SNX29: variants seen among roughly 807,000 people sequenced by gnomAD.
SNX29 encodes sorting nexin 29, also known as sorting nexin-29.
SNX29 carries 78 observed loss-of-function variants against 102.1 expected under a neutral mutation model. The observed-to-expected ratio is 0.76, with a 90% confidence interval of 0.64 to 0.92. The LOEUF is 0.92. SNX29 is among the 40% of genes least tolerant of loss of function. SNX29 has a pLI of 0.00. For missense variants in SNX29, 1,280 were observed against 1,061.7 expected (o/e 1.21, Z -2.86); for synonymous variants, 580 against 414.5 (o/e 1.40, Z -4.85).
At chr16:12,234,619 C>T (rs1184449334) in intron 14 of SNX29, among the ~76,000 whole-genome samples, 1 of 152,036 alleles carries the variant, frequency 6.6e-6, no homozygotes, top group Non-Finnish European at 1.5e-5. Context: ...GGCATCATAT[C>T]TAAGTTTGTC....
intron 20 of SNX29, among the ~76,000 whole-genome samples, chr16:12,549,956 T>C (rs576109794): frequency 6.6e-6 from 1 of 152,228 alleles, no homozygotes; most frequent in South Asian, 2.1e-4. Context: ...TAAAGTTTTA[T>C]TGGAACATGC....
At chr16:12,419,992 C>T (rs951122756) in intron 18 of SNX29, among the ~76,000 whole-genome samples, 1 of 152,180 alleles carries the variant, frequency 6.6e-6, no homozygotes, top group African/African-American at 2.4e-5. Flanking sequence ...GGCTTAGGGC[C>T]AGTTTGGTGA....
intron 20 of SNX29, among the ~76,000 whole-genome samples, chr16:12,534,944 C>T (rs973596937): frequency 3.3e-5 from 5 of 152,324 alleles, no homozygotes; most frequent in East Asian, 3.9e-4. Flanking sequence ...ATGGCCTCCT[C>T]CCTGCACAGC....
At chr16:12,372,893 C>T (rs1473086316) in intron 16 of SNX29, 6 of 152,192 alleles carry the variant, frequency 3.9e-5, no homozygotes, top group Non-Finnish European at 8.8e-5. Flanking sequence ...GTCATTTACA[C>T]TCCTACCTGC....
chr16:12,489,179 T>C (rs1161527582), intron 19 of SNX29, among the ~76,000 whole-genome samples: 1 of 152,058 alleles, frequency 6.6e-6, no homozygotes, highest in African/African-American at 2.4e-5. Flanking sequence ...TTGCTACCTT[T>C]CCCTTCAGTA....
chr16:12,554,484 G>A (rs1384060409), intron 20 of SNX29, among the ~76,000 whole-genome samples: 2 of 152,182 alleles, frequency 1.3e-5, no homozygotes, highest in Admixed American at 6.5e-5. Flanking sequence ...TAGGCATGGA[G>A]TGGTTTCCAA....
intron 18 of SNX29, among the ~76,000 whole-genome samples, chr16:12,454,548 G>A (rs1335663602): frequency 1.3e-5 from 2 of 152,132 alleles, no homozygotes; most frequent in African/African-American, 4.8e-5. Context: ...AGGTGCTGCT[G>A]GCGAATGTGG....
chr16:12,380,509 C>A (rs1180552028), intron 16 of SNX29, among the ~76,000 whole-genome samples: 1 of 128,768 alleles, frequency 7.8e-6, no homozygotes, highest in African/African-American at 2.9e-5. Context: ...TATCCACCTA[C>A]CCACCCCTCA....
At chr16:12,412,784 T>C (rs2084456264) in intron 18 of SNX29, among the ~76,000 whole-genome samples, 1 of 152,248 alleles carries the variant, frequency 6.6e-6, no homozygotes, top group Non-Finnish European at 1.5e-5. Context: ...CACACCCTCT[T>C]GGCAGGTGAA....
At chr16:12,112,561 C>T (rs1361938120) in intron 11 of SNX29, among the ~76,000 whole-genome samples, 5 of 152,170 alleles carry the variant, frequency 3.3e-5, no homozygotes, top group Non-Finnish European at 5.9e-5. Context: ...CGCCATTTAG[C>T]TGGGGAGGCT....
intron 9 of SNX29, among the ~76,000 whole-genome samples, chr16:12,064,616 A>G (rs977769785): frequency 3.9e-5 from 6 of 152,092 alleles, no homozygotes; most frequent in African/African-American, 1.4e-4. Context: ...AGGGAGAAAC[A>G]TTATTCCAGG....
At chr16:12,538,465 C>T (rs1038581793) in intron 20 of SNX29, among the ~76,000 whole-genome samples, 1 of 152,138 alleles carries the variant, frequency 6.6e-6, no homozygotes, top group Non-Finnish European at 1.5e-5. Flanking sequence ...CACGTATCTC[C>T]TATGTTGATG....
At chr16:12,527,494 G>A (rs1163731732) in intron 20 of SNX29, 2 of 427,100 alleles carry the variant, frequency 4.7e-6, no homozygotes, top group African/African-American at 2.0e-5. Flanking sequence ...TTGAGTTACT[G>A]AACGTAACCG....
chr16:12,160,265 G>A (rs766148566), intron 13 of SNX29, among the ~76,000 whole-genome samples: 14 of 152,200 alleles, frequency 9.2e-5, no homozygotes, highest in Non-Finnish European at 1.8e-4. Context: ...AGGGGCGTCA[G>A]GGGGCATGGT....
At chr16:12,223,705 G>A (rs578122603) in intron 14 of SNX29, among the ~76,000 whole-genome samples, 1 of 152,308 alleles carries the variant, frequency 6.6e-6, no homozygotes, top group East Asian at 1.9e-4. Flanking sequence ...GAAATCTGTT[G>A]ACTGTGCTGC....
chr16:12,113,202 A>G (rs747265088), intron 11 of SNX29, among the ~76,000 whole-genome samples: 1 of 152,186 alleles, frequency 6.6e-6, no homozygotes, highest in Non-Finnish European at 1.5e-5. Context: ...CATTTTGCAG[A>G]TGCCTAATCT....
chr16:12,122,277 C>T (rs2054005605), intron 11 of SNX29, among the ~76,000 whole-genome samples: 1 of 152,114 alleles, frequency 6.6e-6, no homozygotes, highest in African/African-American at 2.4e-5. Context: ...CAGCCTGTGG[C>T]ACATCTGAAC....
chr16:12,254,564 C>A (rs2078513294), intron 14 of SNX29, among the ~76,000 whole-genome samples: 1 of 152,098 alleles, frequency 6.6e-6, no homozygotes, highest in East Asian at 1.9e-4. Context: ...TCGCTTGAAC[C>A]CGGGAGGCAG....
intron 16 of SNX29, among the ~76,000 whole-genome samples, chr16:12,394,884 TGTGGA>T (rs1801510149): frequency 6.6e-6 from 1 of 152,150 alleles, no homozygotes; most frequent in Admixed American, 6.5e-5. Flanking sequence ...GGAAGAGCTT[TGTGGA>T]GTGGGCAGCC....
Sources: gnomAD v4.1 joint callset for allele counts (sites outside exome capture counted in the v4.1 genomes callset) on GRCh38, gnomAD v4.1.1 for gene constraint, MANE v1.5 for transcripts, NCBI Gene and HGNC (gene_info 2026-07-23, HGNC 2026-07-21) for gene names.